The following TNR variants were observed in gnomAD, a reference collection of about 807,000 sequenced individuals.
TNR encodes tenascin-R.
TNR carries 45 observed loss-of-function variants against 150.4 expected under a neutral mutation model. The ratio of observed to expected loss-of-function variants is 0.30; its 90% CI spans 0.24 to 0.38. The LOEUF (loss-of-function observed/expected upper bound fraction) is 0.38. TNR is among the 10% of genes least tolerant of loss of function. The pLI, the probability that TNR is intolerant of heterozygous loss-of-function variation, is 1.00. For synonymous variants in TNR, 687 were observed against 678.4 expected (o/e 1.01, Z -0.20); for missense variants, 1,544 against 1,759.1 (o/e 0.88, Z 2.19).
In TNR at chr1:175,396,540, G is replaced by T. The variant is rs371401778; in HGVS notation, c.1240+4C>A. The T allele has an allele frequency of 7.4e-6, 12 of 1,613,048 alleles. No homozygotes were observed. Among genetic ancestry groups the T allele is most frequent in the Non-Finnish European group, 1.0e-5 (12 of 1,179,224 alleles). On this transcript the variant is annotated splice_donor_region_variant and intron_variant, in intron 5 of 22. Transcript: ENST00000367674. ...ATGAAGCAGGACGGGGAAATGGTAC[G>T]TACGGGTGGCCACCTTGGCAGTGAT...
chr1:175,566,982 G>A (rs1354634504), intron 1 of TNR, among the ~76,000 whole-genome samples: 2 of 152,180 alleles, frequency 1.3e-5, no homozygotes, highest in East Asian at 3.9e-4. Context: ...AGCCCCCATG[G>A]CTTTATATTC....
intron 1 of TNR, among the ~76,000 whole-genome samples, chr1:175,561,158 T>G (rs1288110973): frequency 6.6e-6 from 1 of 152,208 alleles, no homozygotes; most frequent in African/African-American, 2.4e-5. Context: ...TTTACAGGCT[T>G]ATAATACTCT....
chr1:175,628,367 G>A (rs1333739260), intron 1 of TNR, among the ~76,000 whole-genome samples: 2 of 152,080 alleles, frequency 1.3e-5, no homozygotes, highest in African/African-American at 4.8e-5. Flanking sequence ...AGGGACCTAT[G>A]GGGAAGGGGT....
chr1:175,399,094 T>C (rs555528583), intron 4 of TNR, among the ~76,000 whole-genome samples: 12 of 152,356 alleles, frequency 7.9e-5, no homozygotes, highest in Admixed American at 6.5e-4. Flanking sequence ...AAGTAAACTA[T>C]ATTAGGAATA....
chr1:175,384,982 G>A (rs1322400584), intron 8 of TNR, among the ~76,000 whole-genome samples: 1 of 152,168 alleles, frequency 6.6e-6, no homozygotes, highest in Non-Finnish European at 1.5e-5. Flanking sequence ...ATTCCATTCT[G>A]TAGCAGGCTC....
At chr1:175,329,651 A>G (rs1378150044) in intron 21 of TNR, among the ~76,000 whole-genome samples, 2 of 152,226 alleles carry the variant, frequency 1.3e-5, no homozygotes, top group Non-Finnish European at 2.9e-5. Context: ...ATGTCATTGC[A>G]TGGGAGATTT....
At chr1:175,412,319 A>C (rs371869710) in intron 2 of TNR, among the ~76,000 whole-genome samples, 23 of 152,298 alleles carry the variant, frequency 1.5e-4, no homozygotes, top group African/African-American at 5.5e-4. Context: ...CCCTGGGTTC[A>C]GATTTAGGAC....
intron 1 of TNR, among the ~76,000 whole-genome samples, chr1:175,683,252 G>A (rs1176757439): frequency 6.6e-6 from 1 of 152,114 alleles, no homozygotes; most frequent in African/African-American, 2.4e-5. Context: ...TGAGATTAAA[G>A]ACCTCACGGA....
At position 175,359,799 on chromosome 1, in the gene TNR, C is replaced by T. The variant is rs1336711902; in HGVS notation, c.2855-68G>A. ...AGGATAGAAATGCAGGGAATGATCT[C>T]AGAAGTTCCACTCATGGTGCAAGAC... On this transcript the variant is annotated intron_variant, in intron 14 of 22. Transcript: ENST00000367674. 2.5e-5 allele frequency: 39 copies of T among 1,536,518 alleles called. No homozygotes were observed. In the Admixed American group the frequency reaches 7.7e-4, roughly 30 times the overall value.
intron 2 of TNR, among the ~76,000 whole-genome samples, chr1:175,478,525 G>C (rs1657645844): frequency 1.3e-5 from 2 of 152,126 alleles, no homozygotes; most frequent in African/African-American, 4.8e-5. Context: ...AGATAGGGCA[G>C]AGGCTACCCT....
At chr1:175,576,638 C>T in intron 1 of TNR, among the ~76,000 whole-genome samples, 1 of 151,798 alleles carries the variant, frequency 6.6e-6, no homozygotes, top group Non-Finnish European at 1.5e-5. Flanking sequence ...CCCACCACAC[C>T]ATCCCAAGCT....
intron 1 of TNR, among the ~76,000 whole-genome samples, chr1:175,696,568 C>T (rs1395368596): frequency 6.6e-6 from 1 of 152,062 alleles, no homozygotes; most frequent in Non-Finnish European, 1.5e-5. Context: ...AGCTCAGTAC[C>T]CATCTGAGAG....
At chr1:175,516,863 G>T (rs951527613) in intron 2 of TNR, among the ~76,000 whole-genome samples, 3 of 152,100 alleles carry the variant, frequency 2.0e-5, no homozygotes, top group Admixed American at 2.0e-4. Flanking sequence ...GTTGATAGAA[G>T]AATAAACATG....
At chr1:175,690,069 G>T (rs1298535301) in intron 1 of TNR, among the ~76,000 whole-genome samples, 1 of 152,196 alleles carries the variant, frequency 6.6e-6, no homozygotes, top group Non-Finnish European at 1.5e-5. Flanking sequence ...TCATACAGCT[G>T]TAAGCAGGTT....
chr1:175,488,461 A>T (rs1658106128), intron 2 of TNR, among the ~76,000 whole-genome samples: 1 of 152,188 alleles, frequency 6.6e-6, no homozygotes, highest in Admixed American at 6.5e-5. Flanking sequence ...GTGAGGGGCA[A>T]TGGAGGGGAA....
intron 1 of TNR, among the ~76,000 whole-genome samples, chr1:175,696,223 T>G (rs1007076940): frequency 1.6e-5 from 2 of 126,148 alleles, no homozygotes; most frequent in African/African-American, 3.8e-5. Context: ...TGTAGTTTTT[T>G]TTTTTTTTTT....
At chr1:175,535,278 C>G (rs1307731027) in intron 1 of TNR, among the ~76,000 whole-genome samples, 1 of 152,180 alleles carries the variant, frequency 6.6e-6, no homozygotes, top group East Asian at 1.9e-4. Context: ...ATCGAATAAT[C>G]CTACCTGCAG....
intron 1 of TNR, among the ~76,000 whole-genome samples, chr1:175,713,143 T>C (rs926368066): frequency 2.0e-5 from 3 of 152,190 alleles, no homozygotes; most frequent in Non-Finnish European, 2.9e-5. Flanking sequence ...AAGTCTTTCC[T>C]ATGAGGCTTA....
chr1:175,344,572 C>A (rs958351404), intron 18 of TNR, among the ~76,000 whole-genome samples: 9 of 152,156 alleles, frequency 5.9e-5, no homozygotes, highest in African/African-American at 1.9e-4. Flanking sequence ...ATAGTACAAA[C>A]AATTCTATGG....
Sources: allele counts gnomAD v4.1 joint callset (sites outside exome capture counted in the v4.1 genomes callset), GRCh38; gene constraint gnomAD v4.1.1; transcripts MANE v1.5; gene names NCBI Gene and HGNC (gene_info 2026-07-23, HGNC 2026-07-21).